Variants in DEPDC5 observed in about 807,000 individuals in gnomAD.
The protein encoded by DEPDC5 is DEP domain containing 5, GATOR1 subcomplex subunit.
DEPDC5 carries 73 observed loss-of-function variants against 217.3 expected under a neutral mutation model. That is an observed-to-expected ratio of 0.34 (90% CI 0.28 to 0.41). DEPDC5 has a LOEUF of 0.41. DEPDC5 is among the 10% of genes least tolerant of loss of function. The probability of loss-of-function intolerance (pLI) is 1.00; values close to 1 mark genes in which losing one functional copy is unlikely to be tolerated. For missense variants in DEPDC5, 1,675 were observed against 2,070.1 expected, an observed-to-expected ratio of 0.81 and a Z score of 3.70; for synonymous variants, 733 against 756.7, an observed-to-expected ratio of 0.97 and a Z score of 0.51.
chr22:31,761,887 G>A (rs925979740), intron 4 of DEPDC5, among the ~76,000 whole-genome samples: 1 of 149,380 alleles, frequency 6.7e-6, no homozygotes, highest in Non-Finnish European at 1.5e-5. Flanking sequence ...AGAATTACTT[G>A]AACCCGGGAG....
chr22:31,795,287 C>A (rs1430063579), intron 12 of DEPDC5, among the ~76,000 whole-genome samples: 1 of 151,874 alleles, frequency 6.6e-6, no homozygotes, highest in Non-Finnish European at 1.5e-5. Context: ...CCAGGCTGGT[C>A]TTGAACTCCT....
chr22:31,866,475 T>C (rs906493962), intron 33 of DEPDC5, among the ~76,000 whole-genome samples: 7 of 152,126 alleles, frequency 4.6e-5, no homozygotes, highest in African/African-American at 7.2e-5. Flanking sequence ...AACCTCCGCC[T>C]CCCGAGTTCA....
rs2092936794 is a variant in DEPDC5, at chr22:31,874,461, G to C, written c.3696+56G>C. ...TTTGCTTAGGTCCCGAAAAATCAGG[G>C]CCTGCCTTAGAAGCCATCACCCTTT... is the stretch of plus-strand genomic sequence containing the variant. On this transcript the variant is annotated intron_variant, in intron 36 of 42. Coordinates refer to ENST00000651528, the MANE Select transcript of DEPDC5 (RefSeq NM_001242896.3). 1.9e-6 allele frequency: 3 copies of C among 1,544,532 alleles called. No homozygotes were observed. In the African/African-American group the frequency reaches 4.1e-5, roughly 21 times the overall value.
intron 7 of DEPDC5, among the ~76,000 whole-genome samples, chr22:31,770,654 A>G (rs2083268543): frequency 6.6e-6 from 1 of 150,932 alleles, no homozygotes; most frequent in Non-Finnish European, 1.5e-5. Context: ...CGACTCCCAA[A>G]GTGCTGGGAT....
chr22:31,804,397 A>T (rs1055849349), intron 16 of DEPDC5, among the ~76,000 whole-genome samples, 174 bp downstream of exon 16: 23 of 152,074 alleles, frequency 1.5e-4, no homozygotes, highest in African/African-American at 4.6e-4. Flanking sequence ...GCCTATGAAT[A>T]ACCACTGCAC....
intron 3 of DEPDC5, among the ~76,000 whole-genome samples, chr22:31,760,384 T>G (rs1249086939): frequency 6.6e-6 from 1 of 151,400 alleles, no homozygotes; most frequent in Admixed American, 6.6e-5. Flanking sequence ...TTTCTATTTT[T>G]TAGTAGAGAA....
chr22:31,756,225 A>G (rs1045567351), intron 2 of DEPDC5, among the ~76,000 whole-genome samples: 11 of 152,090 alleles, frequency 7.2e-5, no homozygotes, highest in East Asian at 1.9e-4. Flanking sequence ...TTACTTCTAC[A>G]TTATGTAGGT....
At chr22:31,774,875 G>T (rs1007536827) in intron 7 of DEPDC5, among the ~76,000 whole-genome samples, 1 of 152,012 alleles carries the variant, frequency 6.6e-6, no homozygotes, top group Non-Finnish European at 1.5e-5. Context: ...ACCCACCTCG[G>T]CCTCCCAAGG....
In DEPDC5 at chr22:31,819,179, G is replaced by A. The variant is rs768136184; in HGVS notation, c.1824G>A (p.Met608Ile). Residue 608 changes from methionine (M) to isoleucine (I), a missense_variant, in exon 22 of 43, where the codon ATG becomes ATA. Transcript: ENST00000651528. ...INPFAPSRMP[M>I]KLTSNRRRWM... ...CCTTCGCTCCCTCTCGGATGCCCAT[G>A]AAGCTTACGTCCAACAGAAGGCGCT... The A allele has an allele frequency of 4.3e-6, 7 of 1,614,098 alleles. No homozygotes were observed. The East Asian group carries it at 1.6e-4, about 36-fold the overall frequency.
At chr22:31,838,039 C>T (rs1337849202) in intron 26 of DEPDC5, among the ~76,000 whole-genome samples, 1 of 152,074 alleles carries the variant, frequency 6.6e-6, no homozygotes, top group Non-Finnish European at 1.5e-5. Flanking sequence ...TTCGTTTCTC[C>T]AGAGTTCTAT....
chr22:31,796,410 A>AT (rs1295572712), intron 12 of DEPDC5, among the ~76,000 whole-genome samples: 3 of 152,032 alleles, frequency 2.0e-5, no homozygotes, highest in African/African-American at 7.2e-5. Flanking sequence ...CCACTGTATC[A>AT]TTTTTTATTT....
intron 6 of DEPDC5, among the ~76,000 whole-genome samples, chr22:31,767,593 C>CT (rs937529615): frequency 9.3e-5 from 14 of 150,956 alleles, no homozygotes; most frequent in Middle Eastern, 3.4e-3. Context: ...CCGCTCCCAG[C>CT]TTTTTTTTTG....
At chr22:31,776,337 C>G (rs2083853028) in intron 7 of DEPDC5, among the ~76,000 whole-genome samples, 1 of 151,948 alleles carries the variant, frequency 6.6e-6, no homozygotes, top group African/African-American at 2.4e-5. Context: ...GTCTCAAGCT[C>G]CTGGGCTCAA....
At chr22:31,829,812 G>A (rs2090454824) in intron 24 of DEPDC5, among the ~76,000 whole-genome samples, 1 of 152,158 alleles carries the variant, frequency 6.6e-6, no homozygotes, top group South Asian at 2.1e-4. Context: ...AGGGCAGTTG[G>A]TGTGACTGGG....
chr22:31,876,337 T>C (rs1317827649), intron 37 of DEPDC5, 72 bp downstream of exon 37: 6 of 1,163,610 alleles, frequency 5.2e-6, no homozygotes, highest in Non-Finnish European at 7.6e-6. Flanking sequence ...TTTCACATGA[T>C]GGTGCTTCCT....
At chr22:31,775,313 GGGATTA>G (rs2083728118) in intron 7 of DEPDC5, among the ~76,000 whole-genome samples, 1 of 151,922 alleles carries the variant, frequency 6.6e-6, no homozygotes, top group Admixed American at 6.6e-5. Flanking sequence ...CCGAGTAGCT[GGGATTA>G]CAGGCACCTG....
At chr22:31,822,617 C>T (rs945747316) in intron 23 of DEPDC5, 76 bp from the exon 24 acceptor site, 11 of 1,429,362 alleles carry the variant, frequency 7.7e-6, no homozygotes, top group Non-Finnish European at 1.1e-5. Context: ...TACCTCCCAC[C>T]CCCGGGATAT....
At chr22:31,889,514 A>C (rs1007619908) in intron 38 of DEPDC5, among the ~76,000 whole-genome samples, 4 of 147,974 alleles carry the variant, frequency 2.7e-5, no homozygotes, top group African/African-American at 1.0e-4. Context: ...AGAAACACAC[A>C]GTGTCCAAGA....
At chr22:31,889,541 CTTT>C (rs136874) in intron 38 of DEPDC5, among the ~76,000 whole-genome samples, 2 of 99,590 alleles carry the variant, frequency 2.0e-5, no homozygotes, top group African/African-American at 7.8e-5. Flanking sequence ...GGCAAAACTT[CTTT>C]TTTTTTTTTT....
Sources: gnomAD v4.1 joint callset for allele counts (sites outside exome capture counted in the v4.1 genomes callset) on GRCh38, gnomAD v4.1.1 for gene constraint, MANE v1.5 for transcripts, NCBI Gene and HGNC (gene_info 2026-07-23, HGNC 2026-07-21) for gene names.